Variants in MMP20 observed in about 807,000 individuals in gnomAD.
MMP20 encodes the protein matrix metalloproteinase-20.
A neutral mutation model predicts 51.8 loss-of-function variants in MMP20; 50 were observed. The observed-to-expected ratio is 0.97, with a 90% CI of 0.77 to 1.22. The LOEUF (loss-of-function observed/expected upper bound fraction) is 1.22, where lower values mean the gene tolerates loss of function less well. Among genes scored for constraint, MMP20 ranks in the 50% most tolerant of loss-of-function variants. The pLI, the probability that MMP20 is intolerant of heterozygous loss-of-function variation, is 0.00. For synonymous variants in MMP20, 244 were observed against 216.2 expected (o/e 1.13, Z -1.13); for missense variants, 663 against 601.4 (o/e 1.10, Z -1.07).
rs370708788 is a variant in MMP20, at chr11:102,593,497, C to T, written c.1189G>A (p.Ala397Thr). 1 of 1,614,190 alleles carries T rather than the reference C, an allele frequency of 6.2e-7. No homozygotes were observed. Among genetic ancestry groups the T allele is most frequent in the Middle Eastern group, 1.6e-4 (1 of 6,062 alleles). Residue 397 changes from alanine (A) to threonine (T), a missense_variant, in exon 8 of 10, where the codon GCT becomes ACT. Physicochemically the swap from Ala to Thr is moderately conservative, Grantham distance 58. Coordinates refer to ENST00000260228, the MANE Select transcript of MMP20 (RefSeq NM_004771.4). ...TTCTGTGGCTCCCTGAGGTAGACAGCAGCATCTATTTGCTGCACGTGCCTT... is the reference window on the plus strand; with the variant it reads ...TTCTGTGGCTCCCTGAGGTAGACAGTAGCATCTATTTGCTGCACGTGCCTT... ...FPRHVQQIDA[A>T]VYLREPQKTL...
chr11:102,619,802 C>T (rs1437260759), intron 1 of MMP20, among the ~76,000 whole-genome samples: 5 of 150,712 alleles, frequency 3.3e-5, no homozygotes, highest in South Asian at 4.2e-4. Context: ...TATGAACCTG[C>T]GTAATTTTTA....
At chr11:102,595,927 A>G (rs910206634) in intron 6 of MMP20, among the ~76,000 whole-genome samples, 1 of 152,244 alleles carries the variant, frequency 6.6e-6, no homozygotes, top group Non-Finnish European at 1.5e-5. Context: ...AAATTTTGAC[A>G]TTGAACTTTC....
chr11:102,616,466 G>C (rs917624197), intron 2 of MMP20, among the ~76,000 whole-genome samples: 1 of 152,172 alleles, frequency 6.6e-6, no homozygotes, highest in Non-Finnish European at 1.5e-5. Context: ...TACTTTATTA[G>C]TAGGTTATTT....
At chr11:102,580,153 G>A (rs1555074721) in intron 8 of MMP20, among the ~76,000 whole-genome samples, 1 of 152,188 alleles carries the variant, frequency 6.6e-6, no homozygotes, top group Non-Finnish European at 1.5e-5. Context: ...TTCTGGATCA[G>A]CAACCAGCAT....
At chr11:102,587,260 T>C (rs749780500) in intron 8 of MMP20, among the ~76,000 whole-genome samples, 1 of 152,242 alleles carries the variant, frequency 6.6e-6, no homozygotes. Context: ...GTAAGTTTTC[T>C]AGTTGTCTTT....
intron 1 of MMP20, among the ~76,000 whole-genome samples, chr11:102,618,419 C>T (rs1337392479): frequency 6.6e-6 from 1 of 151,494 alleles, no homozygotes; most frequent in African/African-American, 2.4e-5. Flanking sequence ...ATTATACACA[C>T]ATATTTTTAA....
Position 102,606,629 on chromosome 11 carries a change from G to T in MMP20, c.859C>A (p.His287Asn). The T allele has an allele frequency of 6.2e-7, 1 of 1,613,874 alleles. No homozygotes were observed. The highest frequency in any genetic ancestry group is 8.5e-7 in the Non-Finnish European group (1 of 1,179,796). The stretch of plus-strand genomic sequence containing the variant: ...AGGTCAGGGATGGATGGCTTGTGAT[G>T]GGGGGCATGGGGCAGAGTGGGCTTC... ...LGKPTLPHAP[H>N]HKPSIPDLCD... Residue 287 changes from histidine to asparagine, a missense_variant, in exon 6 of 10, where the codon CAT becomes AAT. Transcript: ENST00000260228.
Position 102,606,563 on chromosome 11 carries a change from C to G in MMP20, c.925G>C (p.Gly309Arg), listed in dbSNP as rs776429623. 1.2e-6 allele frequency: 2 copies of G among 1,613,954 alleles called. No individual in the cohort carries two copies. Among genetic ancestry groups the G allele is most frequent in the Non-Finnish European group, 1.7e-6 (2 of 1,179,906 alleles). ...SSSFDAVTMLGKELLLFKDRI... is the reference protein window; with the variant it reads ...SSSFDAVTMLRKELLLFKDRI... ...TCCTTGAAGAGCAGGAGCTCCTTCC[C>G]CAGCATTGTCACAGCGTCAAAGGAT... Residue 309 changes from glycine to arginine, a missense_variant, in exon 6 of 10, where the codon GGG becomes CGG. By Grantham distance (125) the Gly-to-Arg change is moderately radical (BLOSUM62 -2). Transcript: ENST00000260228.
intron 8 of MMP20, among the ~76,000 whole-genome samples, chr11:102,588,372 A>G (rs1330476018): frequency 1.3e-5 from 2 of 152,028 alleles, no homozygotes; most frequent in African/African-American, 4.8e-5. Flanking sequence ...GAGAAAAGAG[A>G]AGATGTATAT....
chr11:102,614,039 T>C (rs1859636564), intron 2 of MMP20, among the ~76,000 whole-genome samples: 1 of 152,190 alleles, frequency 6.6e-6, no homozygotes, highest in African/African-American at 2.4e-5. Context: ...GATAAAGCAA[T>C]AGTAATACTA....
At chr11:102,619,250 A>G (rs1859716756) in intron 1 of MMP20, among the ~76,000 whole-genome samples, 1 of 152,138 alleles carries the variant, frequency 6.6e-6, no homozygotes, top group Non-Finnish European at 1.5e-5. Context: ...GTTAAGCTCC[A>G]TGTATAAGAC....
chr11:102,597,256 C>A (rs1209079519), intron 6 of MMP20, among the ~76,000 whole-genome samples: 1 of 152,152 alleles, frequency 6.6e-6, no homozygotes, highest in Non-Finnish European at 1.5e-5. Flanking sequence ...CAACTCTAGG[C>A]AAAGCTAAGT....
rs10895322 is a variant in MMP20, at chr11:102,599,525, A to G, written c.954-4768T>C. 0.096 allele frequency among the ~76,000 whole-genome samples: 14,662 copies of G among 152,308 alleles called. 895 individuals are homozygous for G. Among genetic ancestry groups the G allele is most frequent in the East Asian group, 0.29 (1,499 of 5,190 alleles). On this transcript the variant is annotated intron_variant, in intron 6 of 9. Transcript: ENST00000260228. ...TCTGCACAAACACTTAAAAGGATCA[A>G]TTGAAATAATGCATATGAAAGTGTT...
chr11:102,610,771 T>TA (rs1491435397), intron 3 of MMP20, among the ~76,000 whole-genome samples: 2 of 151,648 alleles, frequency 1.3e-5, no homozygotes, highest in East Asian at 1.9e-4. Flanking sequence ...TTTTTTTTTT[T>TA]AAAAAGCCGA....
intron 8 of MMP20, among the ~76,000 whole-genome samples, chr11:102,589,650 A>G (rs1378186822): frequency 6.6e-6 from 1 of 152,194 alleles, no homozygotes; most frequent in Non-Finnish European, 1.5e-5. Context: ...GGTAGAGTTA[A>G]GATTAACACT....
intron 6 of MMP20, among the ~76,000 whole-genome samples, chr11:102,600,170 T>G (rs1383800030): frequency 6.6e-6 from 1 of 152,182 alleles, no homozygotes; most frequent in African/African-American, 2.4e-5. Flanking sequence ...AAAGACACAT[T>G]CCCAGGGAGA....
chr11:102,600,543 G>A (rs1230818979), intron 6 of MMP20, among the ~76,000 whole-genome samples: 2 of 152,032 alleles, frequency 1.3e-5, no homozygotes, highest in Non-Finnish European at 2.9e-5. Context: ...GAGTGCAGTG[G>A]TGCAATCTCA....
At chr11:102,616,784 T>C (rs1217144794) in intron 2 of MMP20, 28 bp downstream of exon 2, 3 of 1,613,612 alleles carry the variant, frequency 1.9e-6, no homozygotes, top group South Asian at 2.2e-5. Context: ...TGTTTTTCTC[T>C]GAATTTGGAA....
At position 102,608,950 on chromosome 11, in the gene MMP20, G is replaced by C. The variant is rs1307947457; in HGVS notation, c.798C>G (p.Ile266Met). The C allele has an allele frequency of 6.2e-7, 1 of 1,614,110 alleles. No homozygotes were observed. The highest frequency in any genetic ancestry group is 8.5e-7 in the Non-Finnish European group (1 of 1,179,970). Reference sequence around the variant, plus strand: ...TAATAATCTTACCGTATAATGCCTGGATCCCTTTCACATCATCTTTGGGGA... The same window carrying C: ...TAATAATCTTACCGTATAATGCCTGCATCCCTTTCACATCATCTTTGGGGA... Reference protein sequence around the residue: ...FHLPKDDVKGIQALYGPRKVF... With the variant: ...FHLPKDDVKGMQALYGPRKVF... Residue 266 changes from isoleucine (I) to methionine (M), a missense_variant, in exon 5 of 10, where the codon ATC becomes ATG. Transcript: ENST00000260228.
Sources: gnomAD v4.1 joint callset for allele counts (sites outside exome capture counted in the v4.1 genomes callset) on GRCh38, gnomAD v4.1.1 for gene constraint, MANE v1.5 for transcripts, NCBI Gene and HGNC (gene_info 2026-07-23, HGNC 2026-07-21) for gene names.